Variants in TMEM132C observed in about 807,000 individuals in gnomAD.
TMEM132C encodes the protein transmembrane protein 132C.
In TMEM132C, 29 loss-of-function variants were observed where a neutral mutation model predicts 61.4. That is an observed-to-expected ratio of 0.47 (90% CI 0.35 to 0.64). The LOEUF (loss-of-function observed/expected upper bound fraction) is 0.64. TMEM132C is among the 30% of genes least tolerant of loss of function. The pLI, the probability that TMEM132C is intolerant of heterozygous loss-of-function variation, is 0.00. For synonymous variants in TMEM132C, 656 were observed against 633.1 expected (o/e 1.04, Z -0.54); for missense variants, 1,408 against 1,476.9 (o/e 0.95, Z 0.76).
At chr12:128,309,717 CCTTTTTTT>C (rs1302033533) in intron 1 of TMEM132C, among the ~76,000 whole-genome samples, 9 of 151,790 alleles carry the variant, frequency 5.9e-5, no homozygotes, top group African/African-American at 2.2e-4. Context: ...GCTCTTCATT[CCTTTTTTT>C]CTTTTTTTTT....
chr12:128,359,742 A>G (rs1487236994), intron 1 of TMEM132C, among the ~76,000 whole-genome samples: 1 of 152,086 alleles, frequency 6.6e-6, no homozygotes, highest in Non-Finnish European at 1.5e-5. Context: ...AAACTCAGAC[A>G]CCTAAACAAC....
intron 1 of TMEM132C, among the ~76,000 whole-genome samples, chr12:128,322,369 G>C (rs540694522): frequency 1.3e-5 from 2 of 152,374 alleles, no homozygotes; most frequent in South Asian, 4.1e-4. Context: ...GCTGAGGCAA[G>C]ACGTCCTGGC....
chr12:128,360,270 AC>A (rs1873658075), intron 1 of TMEM132C, among the ~76,000 whole-genome samples: 1 of 151,786 alleles, frequency 6.6e-6, no homozygotes, highest in South Asian at 2.1e-4. Flanking sequence ...ACACACACAC[AC>A]ACACACACAC....
intron 4 of TMEM132C, among the ~76,000 whole-genome samples, chr12:128,643,023 T>A (rs1046756533): frequency 5.3e-5 from 8 of 152,146 alleles, no homozygotes; most frequent in Non-Finnish European, 1.2e-4. Context: ...ATTGTAGCGA[T>A]CTCTCACTGA....
At chr12:128,412,665 C>T (rs1316085917) in intron 1 of TMEM132C, among the ~76,000 whole-genome samples, 1 of 152,170 alleles carries the variant, frequency 6.6e-6, no homozygotes, top group African/African-American at 2.4e-5. Flanking sequence ...CTTTGCCTTC[C>T]ACCATGATTG....
chr12:128,448,091 A>G (rs952868068), intron 2 of TMEM132C, among the ~76,000 whole-genome samples: 1 of 152,108 alleles, frequency 6.6e-6, no homozygotes, highest in Non-Finnish European at 1.5e-5. Context: ...TGAATGTTAG[A>G]TGTGGTAAAA....
chr12:128,474,492 G>T (rs1473515815), intron 2 of TMEM132C, among the ~76,000 whole-genome samples: 1 of 152,152 alleles, frequency 6.6e-6, no homozygotes, highest in Non-Finnish European at 1.5e-5. Context: ...TGCCAGATGG[G>T]GCAGCTTCAC....
At chr12:128,626,679 A>C (rs748919014) in intron 4 of TMEM132C, among the ~76,000 whole-genome samples, 1 of 151,786 alleles carries the variant, frequency 6.6e-6, no homozygotes, top group African/African-American at 2.4e-5. Context: ...TCCTGACCTC[A>C]AGTGATCCGC....
rs1954843785 is a variant in TMEM132C, at chr12:128,706,751, A to G, written c.*456A>G. Reference sequence around the variant, plus strand: ...TAATTCACGATTCACTTTTCCAAGGACAGCCTTCAACTGTCACCACACAGC... The same window carrying G: ...TAATTCACGATTCACTTTTCCAAGGGCAGCCTTCAACTGTCACCACACAGC... On this transcript the variant is annotated 3_prime_UTR_variant, in exon 9 of 9. Coordinates refer to ENST00000435159, the MANE Select transcript of TMEM132C (RefSeq NM_001136103.3). 1 of 153,972 alleles carries G rather than the reference A, an allele frequency of 6.5e-6. No homozygotes were observed. Among genetic ancestry groups the G allele is most frequent in the Non-Finnish European group, 1.4e-5 (1 of 69,292 alleles). 9.5% of individuals were successfully genotyped at this position (153,972 alleles called of 1,614,324 possible). A position where few individuals can be genotyped will look rare whatever the true frequency, so the allele number is the denominator to read the frequency against.
Position 128,707,836 on chromosome 12 carries a change from A to G in TMEM132C, c.*1541A>G, listed in dbSNP as rs1388623531. On this transcript the variant is annotated 3_prime_UTR_variant, in exon 9 of 9. Coordinates refer to ENST00000435159, the MANE Select transcript of TMEM132C (RefSeq NM_001136103.3). Reference sequence around the variant, plus strand: ...GAAAAATATATTTGTAGCACATATTATAGATGGAAAGAAGAAGATATTTAT... The same window carrying G: ...GAAAAATATATTTGTAGCACATATTGTAGATGGAAAGAAGAAGATATTTAT... 2.6e-5 allele frequency: 4 copies of G among 152,164 alleles called. No homozygotes were observed. The highest frequency in any genetic ancestry group is 6.5e-5 in the Admixed American group (1 of 15,272). 9.4% of individuals were successfully genotyped at this position (152,164 alleles called of 1,614,324 possible).
At chr12:128,646,024 G>A (rs1954194628) in intron 4 of TMEM132C, among the ~76,000 whole-genome samples, 2 of 149,674 alleles carry the variant, frequency 1.3e-5, no homozygotes, top group Admixed American at 6.7e-5. Context: ...GTGTTTCCTG[G>A]AGTCCATCAG....
intron 1 of TMEM132C, among the ~76,000 whole-genome samples, chr12:128,399,175 C>T (rs910777640): frequency 6.6e-6 from 1 of 152,082 alleles, no homozygotes; most frequent in Admixed American, 6.6e-5. Context: ...GGGAAAAATG[C>T]GGAAGACTCT....
At chr12:128,319,064 A>T (rs1310746798) in intron 1 of TMEM132C, among the ~76,000 whole-genome samples, 6 of 152,154 alleles carry the variant, frequency 3.9e-5, no homozygotes, top group Non-Finnish European at 7.4e-5. Context: ...TTAGACTGAG[A>T]TGTTCCAGTG....
At chr12:128,683,724 T>TG (rs1328283043) in intron 5 of TMEM132C, among the ~76,000 whole-genome samples, 1 of 152,162 alleles carries the variant, frequency 6.6e-6, no homozygotes, top group African/African-American at 2.4e-5. Context: ...CCTAGCACTT[T>TG]GGGGGGCCAA....
chr12:128,373,331 C>T lies in TMEM132C; in HGVS notation c.86-41401C>T, dbSNP rs565454424. On this transcript the variant is annotated intron_variant, in intron 1 of 8. Coordinates refer to ENST00000435159, the MANE Select transcript of TMEM132C (RefSeq NM_001136103.3). ...AAGCTTTCCACCAAAACAGATATCC[C>T]CCTAATTGTAATTGGCCAGAATTGG... Among the ~76,000 whole-genome samples the T allele has an allele frequency of 2.6e-4, 39 of 152,218 alleles. No individual in the cohort carries two copies. The South Asian group carries it at 7.3e-3, about 28-fold the overall frequency.
At chr12:128,524,922 T>C (rs1873032822) in intron 2 of TMEM132C, among the ~76,000 whole-genome samples, 1 of 152,188 alleles carries the variant, frequency 6.6e-6, no homozygotes, top group South Asian at 2.1e-4. Flanking sequence ...GGAAATGCCC[T>C]CCTCTGAGGA....
intron 1 of TMEM132C, among the ~76,000 whole-genome samples, chr12:128,268,164 A>G (rs1157074637): frequency 6.6e-6 from 1 of 151,966 alleles, no homozygotes; most frequent in Non-Finnish European, 1.5e-5. Flanking sequence ...GACGGGAACT[A>G]CCTCACCAGC....
intron 3 of TMEM132C, among the ~76,000 whole-genome samples, chr12:128,608,609 G>C (rs1419684895): frequency 2.0e-5 from 3 of 152,166 alleles, no homozygotes; most frequent in African/African-American, 7.2e-5. Context: ...AAAGTGAAAA[G>C]CTTGTTAATC....
intron 1 of TMEM132C, among the ~76,000 whole-genome samples, chr12:128,378,567 G>A (rs1365068734): frequency 1.3e-5 from 2 of 152,206 alleles, no homozygotes; most frequent in Admixed American, 6.5e-5. Context: ...CTACATCAAA[G>A]CACTAATTGG....
Sources: gnomAD v4.1 joint callset for allele counts (sites outside exome capture counted in the v4.1 genomes callset) on GRCh38, gnomAD v4.1.1 for gene constraint, MANE v1.5 for transcripts, NCBI Gene and HGNC (gene_info 2026-07-23, HGNC 2026-07-21) for gene names.